The following SHCBP1 variants were observed in gnomAD, a reference collection of about 807,000 sequenced individuals.
The protein encoded by SHCBP1 is SHC SH2 domain-binding protein 1.
A neutral mutation model predicts 75.1 loss-of-function variants in SHCBP1; 60 were observed. The ratio of observed to expected loss-of-function variants is 0.80; its 90% confidence interval spans 0.65 to 0.99. The LOEUF is 0.99. Ranked by LOEUF, SHCBP1 falls within the 50% of genes least tolerant of loss-of-function variation. SHCBP1 has a pLI of 0.00. For synonymous variants in SHCBP1, 290 were observed against 293.2 expected (o/e 0.99, Z 0.11); for missense variants, 709 against 809.4 (o/e 0.88, Z 1.50).
At chr16:46,603,327 A>G (rs1965272070) in intron 8 of SHCBP1, among the ~76,000 whole-genome samples, 1 of 152,140 alleles carries the variant, frequency 6.6e-6, no homozygotes, top group Admixed American at 6.5e-5. Context: ...CATCTCCCCA[A>G]CATACACACT....
chr16:46,615,188 C>T (rs551056795), intron 4 of SHCBP1, among the ~76,000 whole-genome samples: 5 of 152,250 alleles, frequency 3.3e-5, no homozygotes, highest in African/African-American at 1.2e-4. Flanking sequence ...TTTTTTCTAG[C>T]ACTTTATTAT....
chr16:46,602,182 A>T, intron 8 of SHCBP1, among the ~76,000 whole-genome samples: 1 of 152,222 alleles, frequency 6.6e-6, no homozygotes, highest in South Asian at 2.1e-4. Context: ...AAACTATAAT[A>T]TCAGTGTTAT....
intron 8 of SHCBP1, among the ~76,000 whole-genome samples, chr16:46,602,568 T>C (rs1035625367): frequency 6.6e-6 from 1 of 152,108 alleles, no homozygotes; most frequent in African/African-American, 2.4e-5. Flanking sequence ...AGGACCAAGA[T>C]GAACAATTGT....
At chr16:46,585,612 A>C (rs2142997539) in intron 10 of SHCBP1, among the ~76,000 whole-genome samples, 1 of 152,340 alleles carries the variant, frequency 6.6e-6, no homozygotes, top group African/African-American at 2.4e-5. Flanking sequence ...TAAACACCAC[A>C]GAGCCAGGAC....
At chr16:46,601,489 C>G (rs1295526545) in intron 8 of SHCBP1, among the ~76,000 whole-genome samples, 2 of 152,156 alleles carry the variant, frequency 1.3e-5, no homozygotes, top group African/African-American at 4.8e-5. Context: ...CTCTCATTGA[C>G]TAAAGACGAA....
chr16:46,610,930 G>A (rs1226861389), intron 4 of SHCBP1, among the ~76,000 whole-genome samples: 1 of 152,216 alleles, frequency 6.6e-6, no homozygotes, highest in African/African-American at 2.4e-5. Context: ...CCTTCAGGAA[G>A]GATTTTTTGC....
At chr16:46,594,166 A>C (rs984171358) in intron 10 of SHCBP1, among the ~76,000 whole-genome samples, 3 of 152,214 alleles carry the variant, frequency 2.0e-5, no homozygotes. Context: ...GAAAAAAAAT[A>C]GGAGAAAATC....
intron 10 of SHCBP1, among the ~76,000 whole-genome samples, chr16:46,588,393 A>C (rs1238779945): frequency 6.6e-6 from 1 of 152,190 alleles, no homozygotes; most frequent in Non-Finnish European, 1.5e-5. Context: ...TGGTTTTCTG[A>C]AAAGATTAAC....
At chr16:46,588,508 G>T (rs901939259) in intron 10 of SHCBP1, among the ~76,000 whole-genome samples, 2 of 152,184 alleles carry the variant, frequency 1.3e-5, no homozygotes, top group African/African-American at 2.4e-5. Context: ...CAATCCCACA[G>T]AAATACAAAC....
chr16:46,600,504 C>T (rs1965215953), intron 8 of SHCBP1, among the ~76,000 whole-genome samples: 1 of 152,130 alleles, frequency 6.6e-6, no homozygotes, highest in Non-Finnish European at 1.5e-5. Context: ...TAAGGACTTA[C>T]AGCTGAGTCA....
intron 10 of SHCBP1, among the ~76,000 whole-genome samples, chr16:46,591,486 T>C (rs1184132144): frequency 6.6e-6 from 1 of 151,916 alleles, no homozygotes; most frequent in African/African-American, 2.4e-5. Context: ...TAAGTGAGCA[T>C]ACACCAAACA....
intron 10 of SHCBP1, among the ~76,000 whole-genome samples, chr16:46,587,842 C>T: frequency 6.6e-6 from 1 of 152,112 alleles, no homozygotes; most frequent in East Asian, 1.9e-4. Context: ...ACTCTCCACC[C>T]CAAATCAACA....
At position 46,599,812 on chromosome 16, in the gene SHCBP1, C is replaced by T. The variant is rs759655606; in HGVS notation, c.1345+19G>A. 2.5e-6 allele frequency: 4 copies of T among 1,578,330 alleles called. No homozygotes were observed. Among genetic ancestry groups the T allele is most frequent in the Admixed American group, 1.9e-5 (1 of 51,428 alleles). On this transcript the variant is annotated intron_variant, in intron 9 of 12. Coordinates refer to ENST00000303383, the MANE Select transcript of SHCBP1 (RefSeq NM_024745.5). ...TCAAATCTTAGAACAAATGATATAC[C>T]AAACATTCAGATACTTACTTAAGAT... is the stretch of plus-strand genomic sequence containing the variant.
At chr16:46,598,738 G>GA (rs563741970) in intron 9 of SHCBP1, among the ~76,000 whole-genome samples, 421 of 152,270 alleles carry the variant, frequency 2.8e-3, no homozygotes, top group Middle Eastern at 0.024. Flanking sequence ...CTCTAACTAT[G>GA]AAAAGTACTA....
intron 4 of SHCBP1, among the ~76,000 whole-genome samples, chr16:46,613,253 C>T (rs1370949158): frequency 6.6e-6 from 1 of 152,148 alleles, no homozygotes; most frequent in Non-Finnish European, 1.5e-5. Flanking sequence ...TTGAGCCCCA[C>T]AGTTCGAGCC....
At chr16:46,594,455 A>C (rs746044362) in intron 10 of SHCBP1, among the ~76,000 whole-genome samples, 5 of 152,216 alleles carry the variant, frequency 3.3e-5, no homozygotes, top group Non-Finnish European at 7.4e-5. Context: ...TATTTCACTA[A>C]AGAGGATATA....
Position 46,608,309 on chromosome 16 carries a change from G to T in SHCBP1, c.677C>A (p.Pro226His). 6.2e-7 allele frequency: 1 copy of T among 1,611,098 alleles called. No individual in the cohort carries two copies. The highest frequency in any genetic ancestry group is 1.7e-4 in the Middle Eastern group (1 of 6,054). ...EYDYFVRCVE[P>H]RLRLHYDILE... ...AATAAATACTTACAATCTTAATCGAGGTTCAACACATCTGACAAAATAATC... is the reference window on the plus strand; with the variant it reads ...AATAAATACTTACAATCTTAATCGATGTTCAACACATCTGACAAAATAATC... Residue 226 changes from proline to histidine, a missense_variant, in exon 5 of 13, where the codon CCT becomes CAT. Pro to His is a moderately conservative substitution (Grantham distance 77). Transcript: ENST00000303383.
intron 10 of SHCBP1, among the ~76,000 whole-genome samples, chr16:46,590,011 T>C (rs1310092306): frequency 6.6e-6 from 1 of 151,954 alleles, no homozygotes; most frequent in Non-Finnish European, 1.5e-5. Context: ...TCAGAAATAA[T>C]ACCACACATC....
intron 10 of SHCBP1, among the ~76,000 whole-genome samples, chr16:46,590,563 A>T (rs1056764635): frequency 6.6e-6 from 1 of 152,246 alleles, no homozygotes; most frequent in East Asian, 1.9e-4. Flanking sequence ...GACACATGAA[A>T]AAATGCTCGC....
Sources: gnomAD v4.1 joint callset for allele counts (sites outside exome capture counted in the v4.1 genomes callset) on GRCh38, gnomAD v4.1.1 for gene constraint, MANE v1.5 for transcripts, NCBI Gene and HGNC (gene_info 2026-07-23, HGNC 2026-07-21) for gene names.